Variants in PCDH11X observed in about 807,000 individuals in gnomAD.
The protein encoded by PCDH11X is protocadherin 11 X-linked, also known as protocadherin-11 X-linked.
Under a neutral mutation model 53.3 loss-of-function variants are expected in PCDH11X, and 18 were observed. The ratio of observed to expected loss-of-function variants is 0.34; its 90% CI spans 0.23 to 0.50. The LOEUF (loss-of-function observed/expected upper bound fraction) is 0.50. Ranked by LOEUF, PCDH11X falls within the 20% of genes least tolerant of loss-of-function variation. The probability of loss-of-function intolerance (pLI) is 0.98; values close to 1 mark genes in which losing one functional copy is unlikely to be tolerated. For synonymous variants in PCDH11X, 279 were observed against 393.3 expected (o/e 0.71, Z 3.44); for missense variants, 570 against 1,032.4 (o/e 0.55, Z 6.14).
At chrX:92,385,538 A>G (rs2070994004) in intron 8 of PCDH11X, among the ~76,000 whole-genome samples, 1 of 106,300 alleles carries the variant, frequency 9.4e-6, no homozygotes. Flanking sequence ...TCATCCCCCA[A>G]AAAACTAAAA....
At chrX:92,478,761 T>C (rs2073442486) in intron 10 of PCDH11X, among the ~76,000 whole-genome samples, 1 of 109,186 alleles carries the variant, frequency 9.2e-6, no homozygotes, top group Admixed American at 9.8e-5. Flanking sequence ...TTTCAGTTCT[T>C]TTGCATTTGC....
chrX:92,555,475 T>C (rs1295034788), intron 10 of PCDH11X, among the ~76,000 whole-genome samples: 1 of 112,145 alleles, frequency 8.9e-6, no homozygotes, highest in Non-Finnish European at 1.9e-5. Context: ...ATAATAATAC[T>C]GTAATCCTGA....
At chrX:92,407,944 G>T (rs1230000994) in intron 9 of PCDH11X, among the ~76,000 whole-genome samples, 2 of 108,995 alleles carry the variant, frequency 1.8e-5, no homozygotes. Context: ...GGAGTGCAGT[G>T]GCATAATCTC....
chrX:91,827,763 T>C (rs901474340), intron 4 of PCDH11X, among the ~76,000 whole-genome samples: 1 of 111,300 alleles, frequency 9.0e-6, no homozygotes, highest in African/African-American at 3.3e-5. Context: ...TGGTTATAGG[T>C]GTGTGGCCTT....
At chrX:92,025,014 A>G (rs1233550437) in intron 6 of PCDH11X, among the ~76,000 whole-genome samples, 1 of 111,396 alleles carries the variant, frequency 9.0e-6, no homozygotes. Context: ...TCAAAATCAT[A>G]AAAAACCCAA....
intron 6 of PCDH11X, among the ~76,000 whole-genome samples, chrX:91,905,417 G>T (rs1444446245): frequency 9.0e-6 from 1 of 110,717 alleles, no homozygotes; most frequent in Non-Finnish European, 1.9e-5. Context: ...GAAATTTATT[G>T]TACAGATAAA....
At chrX:92,295,071 GT>G (rs2068578716) in intron 8 of PCDH11X, among the ~76,000 whole-genome samples, 1 of 98,271 alleles carries the variant, frequency 1.0e-5, no homozygotes, top group African/African-American at 3.7e-5. Flanking sequence ...TTCATGAATG[GT>G]TAAGAAAACT....
chrX:92,302,104 G>T (rs772382920), intron 8 of PCDH11X, among the ~76,000 whole-genome samples: 1 of 111,521 alleles, frequency 9.0e-6, no homozygotes, highest in South Asian at 3.8e-4. Flanking sequence ...CTTGAATGGG[G>T]GCTGGGTAGA....
At chrX:91,988,055 A>C (rs1786763965) in intron 6 of PCDH11X, among the ~76,000 whole-genome samples, 1 of 111,028 alleles carries the variant, frequency 9.0e-6, no homozygotes, top group Admixed American at 9.6e-5. Flanking sequence ...AAAACCAGAG[A>C]AAAATCTTGG....
At chrX:92,382,873 A>T (rs765323793) in intron 8 of PCDH11X, among the ~76,000 whole-genome samples, 2 of 105,646 alleles carry the variant, frequency 1.9e-5, no homozygotes, top group East Asian at 5.9e-4. Context: ...ATTTGTCATG[A>T]ACAAATTATG....
intron 9 of PCDH11X, among the ~76,000 whole-genome samples, chrX:92,405,911 A>G (rs1448168194): frequency 2.7e-5 from 3 of 109,965 alleles, no homozygotes; most frequent in South Asian, 7.9e-4. Flanking sequence ...TGGCTAACAC[A>G]GTGAAACCCC....
chrX:92,190,595 A>G (rs2066177351), intron 6 of PCDH11X, among the ~76,000 whole-genome samples: 1 of 111,834 alleles, frequency 8.9e-6, no homozygotes, highest in Non-Finnish European at 1.9e-5. Context: ...TATCTTTCCC[A>G]TCAGTCCCAA....
chrX:92,189,847 G>A (rs1311144955), intron 6 of PCDH11X, among the ~76,000 whole-genome samples: 1 of 111,863 alleles, frequency 8.9e-6, no homozygotes, highest in Non-Finnish European at 1.9e-5. Flanking sequence ...ATGTTTGTTG[G>A]TCACAAGAAT....
intron 6 of PCDH11X, among the ~76,000 whole-genome samples, chrX:92,069,204 G>C (rs1382262519): frequency 9.1e-6 from 1 of 109,846 alleles, no homozygotes; most frequent in South Asian, 4.0e-4. Context: ...TTGTGGAATT[G>C]ACCCCTTTAT....
rs761122819 is a variant in PCDH11X at position 91,884,238 on chromosome X, A to G, written c.3033+4965A>G. 7.5e-4 allele frequency among the ~76,000 whole-genome samples: 82 copies of G among 109,663 alleles called. 1 individual carries two copies. The highest frequency in any genetic ancestry group is 2.6e-3 in the African/African-American group (79 of 30,185). The stretch of plus-strand genomic sequence containing the variant: ...GAAAAAAAGTTATTTTTGTTGTAAT[A>G]ATGTTTTCTTTTTCTATAAATATTT... On this transcript the variant is annotated intron_variant, in intron 6 of 10. Coordinates refer to ENST00000682573, the MANE Select transcript of PCDH11X (RefSeq NM_032968.5).
At chrX:91,798,255 G>C (rs1477573719) in intron 1 of PCDH11X, 2 of 110,655 alleles carry the variant, frequency 1.8e-5, no homozygotes, top group Admixed American at 9.7e-5. Context: ...ACCTGGTATT[G>C]CAGTACCTCC....
intron 10 of PCDH11X, among the ~76,000 whole-genome samples, chrX:92,550,743 C>T (rs2074939157): frequency 9.1e-6 from 1 of 110,438 alleles, no homozygotes; most frequent in African/African-American, 3.3e-5. Flanking sequence ...ACACACTACC[C>T]TTCCCCGCCC....
At chrX:92,292,833 A>T (rs1167759162) in intron 8 of PCDH11X, among the ~76,000 whole-genome samples, 1 of 111,315 alleles carries the variant, frequency 9.0e-6, no homozygotes, top group Non-Finnish European at 1.9e-5. Context: ...GAATTATTCA[A>T]TTCCTTCAAT....
intron 9 of PCDH11X, among the ~76,000 whole-genome samples, chrX:92,393,000 C>A (rs1169132069): frequency 9.0e-6 from 1 of 110,732 alleles, no homozygotes; most frequent in Non-Finnish European, 1.9e-5. Flanking sequence ...ACCCGTATAA[C>A]TGTTAATTAA....
Sources: allele counts gnomAD v4.1 joint callset (sites outside exome capture counted in the v4.1 genomes callset), GRCh38; gene constraint gnomAD v4.1.1; transcripts MANE v1.5; gene names NCBI Gene and HGNC (gene_info 2026-07-23, HGNC 2026-07-21).